Variants in ZNF91 observed in about 807,000 individuals in gnomAD.
ZNF91 encodes zinc finger protein 91 (HPF7, HTF10).
In ZNF91, 7 loss-of-function variants were observed where a neutral mutation model predicts 12.6. That is an observed-to-expected ratio of 0.55 (90% confidence interval 0.31 to 1.04). The LOEUF is 1.04. Ranked by LOEUF, ZNF91 falls within the 50% of genes least tolerant of loss-of-function variation. The pLI, the probability that ZNF91 is intolerant of heterozygous loss-of-function variation, is 0.05. For synonymous variants in ZNF91, 453 were observed against 462.6 expected, an observed-to-expected ratio of 0.98 and a Z score of 0.27; for missense variants, 1,217 against 1,385.4, an observed-to-expected ratio of 0.88 and a Z score of 1.93.
chr19:23,339,659 A>G (rs1968083477), intron 3 of ZNF91: 1 of 152,140 alleles, frequency 6.6e-6, no homozygotes, highest in African/African-American at 2.4e-5. Flanking sequence ...ATGATGGTTG[A>G]CCAGGGGTGG....
chr19:23,359,167 C>T lies in ZNF91; in HGVS notation c.*236G>A, dbSNP rs573085260. ...CTTATGTTTAGTAAAGGTTGAAGACCGGTTAAAAGATTTGCCACATTCTTT... is the reference window on the plus strand; with the variant it reads ...CTTATGTTTAGTAAAGGTTGAAGACTGGTTAAAAGATTTGCCACATTCTTT... On this transcript the variant is annotated 3_prime_UTR_variant, in exon 4 of 4. Transcript: ENST00000300619. 5.9e-5 allele frequency: 29 copies of T among 491,660 alleles called. No individual in the cohort carries two copies. The highest frequency in any genetic ancestry group is 4.3e-4 in the South Asian group (21 of 49,070). The allele number at this position is 491,660 out of a possible 1,614,324, so 30.5% of individuals were successfully genotyped here.
chr19:23,368,231 G>T (rs1269692275), intron 3 of ZNF91, among the ~76,000 whole-genome samples: 1 of 152,012 alleles, frequency 6.6e-6, no homozygotes, highest in Non-Finnish European at 1.5e-5. Context: ...TAGAGGGGAG[G>T]CAGGGCACTG....
intron 1 of ZNF91, among the ~76,000 whole-genome samples, chr19:23,391,047 G>A (rs1970050970): frequency 6.6e-6 from 1 of 152,186 alleles, no homozygotes; most frequent in African/African-American, 2.4e-5. Context: ...TTGGTGAAAT[G>A]GTAATTGTTT....
downstream of ZNF91, among the ~76,000 whole-genome samples, chr19:23,336,962 G>A (rs1227408665): frequency 6.6e-6 from 1 of 152,136 alleles, no homozygotes. Flanking sequence ...AAGCAAGATA[G>A]CAAGTTTTAA....
chr19:23,320,210 G>C (rs570932594), intron 1 of ZNF91, among the ~76,000 whole-genome samples: 1 of 152,132 alleles, frequency 6.6e-6, no homozygotes, highest in East Asian at 1.9e-4. Context: ...TCTAAACCCA[G>C]CTCATAGGCA....
At chr19:23,371,067 A>C (rs1352552635) in intron 3 of ZNF91, among the ~76,000 whole-genome samples, 1 of 152,156 alleles carries the variant, frequency 6.6e-6, no homozygotes, top group Non-Finnish European at 1.5e-5. Context: ...GAGGCTGGGC[A>C]AGGTGGCTGA....
At chr19:23,310,264 C>T (rs1967451547) in intron 1 of ZNF91, among the ~76,000 whole-genome samples, 1 of 152,138 alleles carries the variant, frequency 6.6e-6, no homozygotes, top group Non-Finnish European at 1.5e-5. Flanking sequence ...ACACACACAG[C>T]AAAGAGTAAA....
chr19:23,389,689 G>GT, intron 1 of ZNF91, among the ~76,000 whole-genome samples: 1 of 152,276 alleles, frequency 6.6e-6, no homozygotes, highest in East Asian at 1.9e-4. Context: ...ACACCCAGAG[G>GT]TTTATACTAA....
At chr19:23,311,761 A>G (rs2145843711), upstream of ZNF91, among the ~76,000 whole-genome samples, 1 of 152,096 alleles carries the variant, frequency 6.6e-6, no homozygotes, top group Middle Eastern at 3.4e-3. Context: ...CCCCACGTAT[A>G]TTGTGTATTG....
At chr19:23,316,734 G>A (rs1427351595) in intron 1 of ZNF91, among the ~76,000 whole-genome samples, 1 of 152,190 alleles carries the variant, frequency 6.6e-6, no homozygotes, top group Admixed American at 6.5e-5. Context: ...TTAGAGAAAA[G>A]GGTAAGATCC....
At chr19:23,314,491 T>C (rs1967520640), upstream of ZNF91, among the ~76,000 whole-genome samples, 1 of 152,164 alleles carries the variant, frequency 6.6e-6, no homozygotes, top group Non-Finnish European at 1.5e-5. Flanking sequence ...CTAGATTATG[T>C]GACTCTCCTT....
intron 1 of ZNF91, among the ~76,000 whole-genome samples, chr19:23,323,333 G>GTCC (rs540822515): frequency 2.9e-5 from 3 of 103,216 alleles, no homozygotes; most frequent in South Asian, 6.8e-4. Context: ...TCTTCTCCTC[G>GTCC]TCCTCCTCCT....
chr19:23,335,587 A>C (rs1343939502), downstream of ZNF91, among the ~76,000 whole-genome samples: 2 of 152,174 alleles, frequency 1.3e-5, no homozygotes, highest in Non-Finnish European at 1.5e-5. Flanking sequence ...CTGTGCTAGC[A>C]GTGAGCAAGG....
chr19:23,323,239 TCTC>T (rs769907975), intron 1 of ZNF91, among the ~76,000 whole-genome samples: 43 of 147,946 alleles, frequency 2.9e-4, no homozygotes, highest in East Asian at 4.1e-4. Flanking sequence ...CTTCTTCTCC[TCTC>T]CTTTCTCCTC....
chr19:23,354,968 C>T (rs1166020333), downstream of ZNF91, among the ~76,000 whole-genome samples: 1 of 152,166 alleles, frequency 6.6e-6, no homozygotes, highest in Non-Finnish European at 1.5e-5. Flanking sequence ...ATAGACAACA[C>T]AAAGACATGG....
At chr19:23,343,296 A>C (rs1968160194) in intron 3 of ZNF91, among the ~76,000 whole-genome samples, 1 of 152,192 alleles carries the variant, frequency 6.6e-6, no homozygotes, top group African/African-American at 2.4e-5. Context: ...AATTCAAGAG[A>C]TCTGAGATGA....
At chr19:23,386,019 C>T (rs1969859423) in intron 1 of ZNF91, among the ~76,000 whole-genome samples, 1 of 152,042 alleles carries the variant, frequency 6.6e-6, no homozygotes, top group African/African-American at 2.4e-5. Context: ...CCCTGTGAAT[C>T]AACAACATCC....
chr19:23,361,195 ATTATC>A lies in ZNF91; in HGVS notation c.1779_1783del (p.Lys593AsnfsTer11). The A allele has an allele frequency of 2.5e-6, 4 of 1,613,366 alleles. No homozygotes were observed. Among genetic ancestry groups the A allele is most frequent in the Non-Finnish European group, 3.4e-6 (4 of 1,179,782 alleles). ...CTTGTAAGACTTCTCTCCAGTATGA[ATTATC>A]TTATGTGTAGAAAGACTTGAGGAAT... is the stretch of plus-strand genomic sequence containing the variant. On this transcript the variant is annotated frameshift_variant, in exon 4 of 4. Transcript: ENST00000300619. LOFTEE classifies it low-confidence loss of function (END_TRUNC).
At chr19:23,372,021 T>G (rs1426968866) in intron 3 of ZNF91, among the ~76,000 whole-genome samples, 1 of 123,056 alleles carries the variant, frequency 8.1e-6, no homozygotes, top group Non-Finnish European at 1.6e-5. Context: ...AGGAATACAT[T>G]ATGTTATTAT....
Sources: allele counts gnomAD v4.1 joint callset (sites outside exome capture counted in the v4.1 genomes callset), GRCh38; gene constraint gnomAD v4.1.1; transcripts MANE v1.5; gene names NCBI Gene and HGNC (gene_info 2026-07-23, HGNC 2026-07-21).